Variants in SGCD observed in about 807,000 individuals in gnomAD.
SGCD encodes delta-sarcoglycan.
Under a neutral mutation model 36.6 loss-of-function variants are expected in SGCD, and 18 were observed. That is an observed-to-expected ratio of 0.49 (90% confidence interval 0.34 to 0.73). The LOEUF is 0.73. SGCD is among the 30% of genes least tolerant of loss of function. SGCD has a pLI of 0.01. For synonymous variants in SGCD, 133 were observed against 130.6 expected, an observed-to-expected ratio of 1.02 and a Z score of -0.12; for missense variants, 387 against 346.7, an observed-to-expected ratio of 1.12 and a Z score of -0.92.
At chr5:156,372,048 A>G (rs1770414679) in intron 3 of SGCD, among the ~76,000 whole-genome samples, 1 of 152,204 alleles carries the variant, frequency 6.6e-6, no homozygotes, top group Non-Finnish European at 1.5e-5. Flanking sequence ...AACTGGAAAA[A>G]TCAAGCTATG....
At chr5:156,669,557 G>A (rs1169623122) in intron 7 of SGCD, among the ~76,000 whole-genome samples, 2 of 152,160 alleles carry the variant, frequency 1.3e-5, no homozygotes, top group African/African-American at 2.4e-5. Context: ...AGCACAATAA[G>A]GAAATGCTGT....
chr5:156,091,460 G>C (rs1004646820), intron 1 of SGCD, among the ~76,000 whole-genome samples: 1 of 152,152 alleles, frequency 6.6e-6, no homozygotes, highest in African/African-American at 2.4e-5. Flanking sequence ...TACTGTCAGA[G>C]CATGAGTTTC....
rs531763506 is a variant in SGCD at position 156,647,350 on chromosome 5, G to A, written c.503-114G>A. 87 of 642,308 alleles carry A rather than the reference G, an allele frequency of 1.4e-4. No homozygotes were observed. The African/African-American group carries it at 1.4e-3, about 10-fold the overall frequency. 39.8% of individuals were successfully genotyped at this position (642,308 alleles called of 1,614,324 possible). ...TCTAAAGCCAGTGGAAAAATATGTGGGTATGGGGTTGTGTAATGGATTCGC... is the reference window on the plus strand; with the variant it reads ...TCTAAAGCCAGTGGAAAAATATGTGAGTATGGGGTTGTGTAATGGATTCGC... On this transcript the variant is annotated intron_variant, in intron 6 of 8. Transcript: ENST00000337851.
intron 1 of SGCD, among the ~76,000 whole-genome samples, chr5:156,053,452 C>T (rs1259385021): frequency 1.4e-5 from 2 of 146,134 alleles, no homozygotes; most frequent in Non-Finnish European, 3.1e-5. Context: ...TACATGTGAG[C>T]CAAACTCCAA....
At chr5:156,298,988 G>T (rs1338375079) in intron 3 of SGCD, among the ~76,000 whole-genome samples, 1 of 152,072 alleles carries the variant, frequency 6.6e-6, no homozygotes, top group Non-Finnish European at 1.5e-5. Context: ...CTGTGCATGT[G>T]GGGTATTACT....
intron 3 of SGCD, among the ~76,000 whole-genome samples, chr5:156,456,025 C>T (rs1276381394): frequency 2.0e-5 from 3 of 152,172 alleles, no homozygotes; most frequent in African/African-American, 4.8e-5. Context: ...TTCAGACCTC[C>T]AGTCCCCAAA....
intron 3 of SGCD, among the ~76,000 whole-genome samples, chr5:156,405,129 T>A (rs996631837): frequency 6.6e-6 from 1 of 152,108 alleles, no homozygotes; most frequent in African/African-American, 2.4e-5. Context: ...GGCAAAGAAC[T>A]GAGGTAGCTT....
At chr5:156,621,410 C>T (rs1405397853) in intron 6 of SGCD, among the ~76,000 whole-genome samples, 1 of 152,152 alleles carries the variant, frequency 6.6e-6, no homozygotes, top group African/African-American at 2.4e-5. Flanking sequence ...CCAGGCTTGT[C>T]TCCAATTCCT....
chr5:155,978,650 A>C (rs1758169677), intron 1 of SGCD, among the ~76,000 whole-genome samples: 1 of 152,236 alleles, frequency 6.6e-6, no homozygotes, highest in Non-Finnish European at 1.5e-5. Flanking sequence ...CCAGATATAA[A>C]TATCAACTGT....
intron 1 of SGCD, among the ~76,000 whole-genome samples, chr5:156,037,702 G>A (rs1759533338): frequency 6.6e-6 from 1 of 152,158 alleles, no homozygotes; most frequent in South Asian, 2.1e-4. Context: ...TCTTTTTAAA[G>A]AACAAACAGT....
At chr5:156,735,186 C>T (rs1174718153) in intron 7 of SGCD, among the ~76,000 whole-genome samples, 1 of 152,184 alleles carries the variant, frequency 6.6e-6, no homozygotes, top group Non-Finnish European at 1.5e-5. Context: ...TCTGGGAGCT[C>T]CATCCCAGAG....
the SGCD span, among the ~76,000 whole-genome samples, chr5:155,737,216 A>C: frequency 2.0e-5 from 3 of 152,224 alleles, no homozygotes; most frequent in Non-Finnish European, 1.5e-5. Flanking sequence ...GCAAACGACT[A>C]TGAGGTACGT....
chr5:156,293,742 C>T (rs542372427), intron 3 of SGCD, among the ~76,000 whole-genome samples: 93 of 152,192 alleles, frequency 6.1e-4, no homozygotes, highest in African/African-American at 2.2e-3. Flanking sequence ...GAAATCAGGA[C>T]ATATGAGTCC....
chr5:155,759,842 G>C, the SGCD span, among the ~76,000 whole-genome samples: 1 of 152,076 alleles, frequency 6.6e-6, no homozygotes, highest in African/African-American at 2.4e-5. Flanking sequence ...ATACTTCTCA[G>C]CTATTATCAA....
At chr5:156,321,911 C>T (rs1466292252), upstream of SGCD, among the ~76,000 whole-genome samples, 2 of 152,164 alleles carry the variant, frequency 1.3e-5, no homozygotes, top group Non-Finnish European at 2.9e-5. Flanking sequence ...CCCCCATCCT[C>T]TTTTTTCCTT....
chr5:155,819,240 T>C, the SGCD span, among the ~76,000 whole-genome samples: 1 of 152,224 alleles, frequency 6.6e-6, no homozygotes. Flanking sequence ...ATATCTTCTC[T>C]ATAAACTTGA....
intron 1 of SGCD, among the ~76,000 whole-genome samples, chr5:155,888,654 T>C (rs181616810): frequency 3.9e-5 from 6 of 152,290 alleles, no homozygotes; most frequent in Admixed American, 3.9e-4. Context: ...CAAGACCTAT[T>C]TCTTTAGATT....
intron 4 of SGCD, among the ~76,000 whole-genome samples, chr5:156,556,035 T>A (rs1443635444): frequency 4.6e-5 from 7 of 151,804 alleles, no homozygotes. Context: ...TTCAACTTGG[T>A]CATCTCATAT....
At chr5:155,863,652 C>T in the SGCD span, among the ~76,000 whole-genome samples, 21 of 112,538 alleles carry the variant, frequency 1.9e-4, no homozygotes, top group Admixed American at 3.2e-4. Context: ...CTTCTTGAAA[C>T]GGTTGCATTT....
Sources: gnomAD v4.1 joint callset for allele counts (sites outside exome capture counted in the v4.1 genomes callset) on GRCh38, gnomAD v4.1.1 for gene constraint, MANE v1.5 for transcripts, NCBI Gene and HGNC (gene_info 2026-07-23, HGNC 2026-07-21) for gene names.